SPAG16: variants seen among roughly 807,000 people sequenced by gnomAD.
SPAG16 encodes the protein sperm-associated antigen 16 protein.
A neutral mutation model predicts 80.4 loss-of-function variants in SPAG16; 86 were observed. The ratio of observed to expected loss-of-function variants is 1.07; its 90% CI spans 0.90 to 1.28. The LOEUF is 1.28. Among genes scored for constraint, SPAG16 ranks in the 50% most tolerant of loss-of-function variants. The pLI, the probability that SPAG16 is intolerant of heterozygous loss-of-function variation, is 0.00. For synonymous variants in SPAG16, 294 were observed against 265.9 expected (o/e 1.11, Z -1.03); for missense variants, 870 against 765.3 (o/e 1.14, Z -1.61).
intron 10 of SPAG16, among the ~76,000 whole-genome samples, chr2:213,751,561 C>T (rs572517755): frequency 4.6e-5 from 7 of 152,230 alleles, no homozygotes; most frequent in East Asian, 3.9e-4. Flanking sequence ...CCAGTCTTAC[C>T]GTCAGCCTCC....
At chr2:213,806,729 T>C (rs992731025) in intron 10 of SPAG16, among the ~76,000 whole-genome samples, 3 of 152,180 alleles carry the variant, frequency 2.0e-5, no homozygotes, top group African/African-American at 4.8e-5. Flanking sequence ...TATATAGTTA[T>C]TGAGTTAAGG....
At chr2:214,021,150 T>G (rs1217814967) in intron 13 of SPAG16, among the ~76,000 whole-genome samples, 1 of 152,198 alleles carries the variant, frequency 6.6e-6, no homozygotes, top group Non-Finnish European at 1.5e-5. Flanking sequence ...TAAGGTCAAC[T>G]TTTCTTTTAA....
intron 15 of SPAG16, among the ~76,000 whole-genome samples, chr2:214,394,640 T>C (rs1051905870): frequency 6.6e-6 from 1 of 152,220 alleles, no homozygotes; most frequent in Non-Finnish European, 1.5e-5. Context: ...ATTTCCTATA[T>C]ATCCCCTATC....
intron 11 of SPAG16, among the ~76,000 whole-genome samples, chr2:213,889,666 T>A: frequency 6.7e-6 from 1 of 148,808 alleles, no homozygotes; most frequent in East Asian, 1.9e-4. Flanking sequence ...CATATACATA[T>A]ATACACACAT....
chr2:213,937,854 G>C (rs1453289223), intron 12 of SPAG16, among the ~76,000 whole-genome samples: 3 of 151,908 alleles, frequency 2.0e-5, no homozygotes, highest in Non-Finnish European at 4.4e-5. Context: ...CAATAAACTT[G>C]ATGTGAACGT....
chr2:213,752,253 C>T (rs996343269), intron 10 of SPAG16, among the ~76,000 whole-genome samples: 6 of 152,098 alleles, frequency 3.9e-5, no homozygotes, highest in African/African-American at 1.4e-4. Flanking sequence ...CCATAGCCAC[C>T]CAATGTAGTT....
chr2:213,657,408 T>C (rs894480953), intron 10 of SPAG16, among the ~76,000 whole-genome samples: 5 of 152,206 alleles, frequency 3.3e-5, no homozygotes, highest in Non-Finnish European at 1.5e-5. Context: ...AACTATATTA[T>C]TATTTTACAG....
intron 15 of SPAG16, among the ~76,000 whole-genome samples, chr2:214,235,504 G>A (rs1475533106): frequency 6.6e-6 from 1 of 152,084 alleles, no homozygotes; most frequent in Non-Finnish European, 1.5e-5. Flanking sequence ...GCATTGAGAT[G>A]TCTTCCACTA....
At chr2:213,624,812 A>G (rs2061905039) in intron 10 of SPAG16, among the ~76,000 whole-genome samples, 1 of 152,090 alleles carries the variant, frequency 6.6e-6, no homozygotes. Context: ...TTTTTTTGAG[A>G]TGGAGTCTTG....
chr2:213,952,799 C>T (rs1375666127), intron 12 of SPAG16, among the ~76,000 whole-genome samples: 2 of 152,062 alleles, frequency 1.3e-5, no homozygotes, highest in Non-Finnish European at 2.9e-5. Flanking sequence ...TAACCAATAG[C>T]TGAAATATGG....
intron 15 of SPAG16, among the ~76,000 whole-genome samples, chr2:214,409,411 A>G (rs1702175459): frequency 2.0e-5 from 3 of 152,144 alleles, no homozygotes; most frequent in Non-Finnish European, 4.4e-5. Context: ...TAATAAAAAT[A>G]TTAATTAAAA....
At chr2:214,116,742 C>G (rs2053953676) in intron 14 of SPAG16, among the ~76,000 whole-genome samples, 1 of 152,192 alleles carries the variant, frequency 6.6e-6, no homozygotes, top group African/African-American at 2.4e-5. Context: ...GGACAGAGAG[C>G]CATGTCATCC....
intron 10 of SPAG16, among the ~76,000 whole-genome samples, chr2:213,720,995 G>T (rs919203954): frequency 6.6e-6 from 1 of 151,918 alleles, no homozygotes; most frequent in African/African-American, 2.4e-5. Flanking sequence ...CTCGTGATCC[G>T]CCCACCTCAG....
chr2:214,069,601 A>T (rs1055639790), intron 13 of SPAG16, among the ~76,000 whole-genome samples: 60 of 152,108 alleles, frequency 3.9e-4, no homozygotes, highest in African/African-American at 1.2e-3. Context: ...TCCAGTGCCA[A>T]CCTAAAATCA....
intron 15 of SPAG16, among the ~76,000 whole-genome samples, chr2:214,264,168 A>G (rs1691377098): frequency 6.6e-6 from 1 of 152,138 alleles, no homozygotes; most frequent in East Asian, 1.9e-4. Flanking sequence ...CCCTAAATCC[A>G]TACTCCTCCT....
chr2:213,850,918 T>C (rs921334532), intron 10 of SPAG16, among the ~76,000 whole-genome samples: 3 of 152,170 alleles, frequency 2.0e-5, no homozygotes, highest in Admixed American at 6.5e-5. Context: ...CATACCAGTC[T>C]ACTAATTTTC....
intron 12 of SPAG16, among the ~76,000 whole-genome samples, chr2:214,004,032 A>G (rs1215493741): frequency 6.6e-6 from 1 of 152,224 alleles, no homozygotes; most frequent in African/African-American, 2.4e-5. Context: ...GGCTTTGCCT[A>G]GTTTCAACAC....
intron 15 of SPAG16, among the ~76,000 whole-genome samples, chr2:214,296,316 C>A (rs1006684550): frequency 6.6e-6 from 1 of 152,166 alleles, no homozygotes; most frequent in Non-Finnish European, 1.5e-5. Flanking sequence ...AGGTTGATTT[C>A]ATGACTTTGC....
chr2:213,707,505 T>C (rs1273630274), intron 10 of SPAG16, among the ~76,000 whole-genome samples: 1 of 152,238 alleles, frequency 6.6e-6, no homozygotes, highest in Non-Finnish European at 1.5e-5. Flanking sequence ...CTTGTCTGTC[T>C]TAATTATAGC....
Sources: gnomAD v4.1 joint callset for allele counts (sites outside exome capture counted in the v4.1 genomes callset) on GRCh38, gnomAD v4.1.1 for gene constraint, MANE v1.5 for transcripts, NCBI Gene and HGNC (gene_info 2026-07-23, HGNC 2026-07-21) for gene names.